Variants in PLVAP observed in about 807,000 individuals in gnomAD.
PLVAP encodes the protein plasmalemma vesicle associated protein, also known as plasmalemma vesicle-associated protein.
In PLVAP, 34 loss-of-function variants were observed where a neutral mutation model predicts 43.1. The observed-to-expected ratio is 0.79, with a 90% CI of 0.60 to 1.05. PLVAP has a LOEUF of 1.05. Ranked by LOEUF, PLVAP falls within the 50% of genes least tolerant of loss-of-function variation. The pLI is 0.00. For synonymous variants in PLVAP, 241 were observed against 237.3 expected, an observed-to-expected ratio of 1.02 and a Z score of -0.14; for missense variants, 574 against 593.4, an observed-to-expected ratio of 0.97 and a Z score of 0.34.
intron 1 of PLVAP, among the ~76,000 whole-genome samples, chr19:17,368,384 G>C (rs1284834993): frequency 6.9e-6 from 1 of 144,970 alleles, no homozygotes. Context: ...ACTAATTTTT[G>C]TATTTTTAGT....
Position 17,352,394 on chromosome 19 carries a change from C to T in PLVAP, c.1323-26G>A, listed in dbSNP as rs369290377. ...CTAGGGCAGGAAGGGGATGGTAACA[C>T]AACAGAGTGTCAGACAGAGGGAAGG... On this transcript the variant is annotated intron_variant, in intron 5 of 5. Coordinates refer to ENST00000252590, the MANE Select transcript of PLVAP (RefSeq NM_031310.3). The T allele has an allele frequency of 3.0e-5, 49 of 1,612,112 alleles. No homozygotes were observed. In the African/African-American group the frequency reaches 6.4e-4, roughly 21 times the overall value.
rs537553333 is a variant in PLVAP, at chr19:17,370,972, C to G, written c.370-4777G>C. Among the ~76,000 whole-genome samples, 3 of 151,384 alleles carry G rather than the reference C, an allele frequency of 2.0e-5. No homozygotes were observed. In the South Asian group the frequency reaches 6.3e-4, roughly 32 times the overall value. ...TCGGGAGGCTGAGGCAGGAGAATGG[C>G]GTGAACCTGGGAGGCAGAGCTTGCA... is the stretch of plus-strand genomic sequence containing the variant. On this transcript the variant is annotated intron_variant, in intron 1 of 5. Transcript: ENST00000252590.
chr19:17,374,655 T>C (rs1040477774), intron 1 of PLVAP, among the ~76,000 whole-genome samples: 1 of 151,844 alleles, frequency 6.6e-6, no homozygotes, highest in Admixed American at 6.6e-5. Context: ...ATTCAGGGTC[T>C]CACTCAGTCG....
At chr19:17,368,136 A>G (rs2074557784) in intron 1 of PLVAP, among the ~76,000 whole-genome samples, 1 of 136,988 alleles carries the variant, frequency 7.3e-6, no homozygotes, top group Admixed American at 8.0e-5. Context: ...CAATGGCATG[A>G]TCTCGGCTCA....
At chr19:17,372,269 T>C (rs1411348776) in intron 1 of PLVAP, among the ~76,000 whole-genome samples, 2 of 149,558 alleles carry the variant, frequency 1.3e-5, no homozygotes, top group Non-Finnish European at 3.0e-5. Context: ...ATTAGCTGGG[T>C]TTGGTGGCGG....
rs764717160 is a variant in PLVAP, at chr19:17,377,097, C to G, written c.192G>C (p.Glu64Asp). The stretch of plus-strand genomic sequence containing the variant: ...GACTGTATAGGCCCTCGGCTCGGCG[C>G]TCGGTGGCCTGCAGGTTGGACTCTG... ...VSTESNLQATERRAEGLYSQL... is the reference protein window; with the variant it reads ...VSTESNLQATDRRAEGLYSQL... Residue 64 changes from glutamate (E) to aspartate (D), a missense_variant, in exon 1 of 6, where the codon GAG becomes GAC. Physicochemically the swap from Glu to Asp is conservative, Grantham distance 45. Transcript: ENST00000252590. The G allele has an allele frequency of 2.5e-6, 4 of 1,614,030 alleles. No homozygotes were observed. The highest frequency in any genetic ancestry group is 1.3e-5 in the African/African-American group (1 of 74,920).
intron 5 of PLVAP, among the ~76,000 whole-genome samples, chr19:17,356,805 CA>C (rs2074508439): frequency 6.6e-6 from 1 of 151,058 alleles, no homozygotes; most frequent in Non-Finnish European, 1.5e-5. Flanking sequence ...ACTAAAAAAA[CA>C]AAATTAGCCG....
At chr19:17,369,950 C>T (rs948067508) in intron 1 of PLVAP, among the ~76,000 whole-genome samples, 2 of 146,124 alleles carry the variant, frequency 1.4e-5, no homozygotes, top group Admixed American at 7.0e-5. Context: ...TTGCAGTGAG[C>T]CACGATCACA....
intron 1 of PLVAP, among the ~76,000 whole-genome samples, chr19:17,367,424 T>G (rs1172320281): frequency 6.6e-6 from 1 of 151,918 alleles, no homozygotes; most frequent in Non-Finnish European, 1.5e-5. Flanking sequence ...GTTTCGCTCT[T>G]GTTGCCCAGG....
At chr19:17,375,658 G>C (rs1421267463) in intron 1 of PLVAP, among the ~76,000 whole-genome samples, 1 of 152,024 alleles carries the variant, frequency 6.6e-6, no homozygotes, top group Non-Finnish European at 1.5e-5. Context: ...GAGGTGGGTG[G>C]CTCACTTGAG....
intron 5 of PLVAP, among the ~76,000 whole-genome samples, chr19:17,355,559 C>T (rs950100993): frequency 7.0e-5 from 10 of 141,998 alleles, no homozygotes; most frequent in East Asian, 4.2e-4. Flanking sequence ...GACAGTGTCT[C>T]GCTCTGTAGC....
At chr19:17,366,435 T>TA (rs2074550464) in intron 1 of PLVAP, among the ~76,000 whole-genome samples, 1 of 152,056 alleles carries the variant, frequency 6.6e-6, no homozygotes. Context: ...CTGGGCAACA[T>TA]AGTGAGACTC....
chr19:17,367,055 G>T (rs139257085), intron 1 of PLVAP, among the ~76,000 whole-genome samples: 2 of 149,542 alleles, frequency 1.3e-5, no homozygotes, highest in East Asian at 3.9e-4. Flanking sequence ...CAATCCTCTT[G>T]CATCAGTCTC....
chr19:17,359,461 A>G (rs1367051008), intron 5 of PLVAP, among the ~76,000 whole-genome samples: 1 of 151,184 alleles, frequency 6.6e-6, no homozygotes, highest in Non-Finnish European at 1.5e-5. Context: ...GCTGGAGTGC[A>G]ATGGTGTCAT....
intron 1 of PLVAP, among the ~76,000 whole-genome samples, chr19:17,368,324 G>A (rs1038175763): frequency 4.0e-5 from 6 of 151,718 alleles, no homozygotes; most frequent in Admixed American, 6.6e-5. Context: ...CGCCCACCTC[G>A]GCCTCCTAAA....
At chr19:17,373,976 A>G (rs1265313033) in intron 1 of PLVAP, among the ~76,000 whole-genome samples, 1 of 152,132 alleles carries the variant, frequency 6.6e-6, no homozygotes, top group Non-Finnish European at 1.5e-5. Flanking sequence ...AGCCTGGCCA[A>G]CATGGTGAAA....
intron 1 of PLVAP, among the ~76,000 whole-genome samples, chr19:17,369,187 T>G (rs55739762): frequency 0.1 from 15,224 of 151,454 alleles, 841 homozygotes; most frequent in South Asian, 0.14. Context: ...TGTTTTTTTT[T>G]TTGTTGTTGT....
At position 17,352,038 on chromosome 19, in the gene PLVAP, G is replaced by A. The variant is rs1022485843; in HGVS notation, c.*324C>T. 6 of 412,170 alleles carry A rather than the reference G, an allele frequency of 1.5e-5. No individual in the cohort carries two copies. The highest frequency in any genetic ancestry group is 2.7e-5 in the Non-Finnish European group (6 of 223,574). The allele number at this position is 412,170 out of a possible 1,614,324, so 25.5% of individuals were successfully genotyped here. A position where few individuals can be genotyped will look rare whatever the true frequency, so the allele number is the denominator to read the frequency against. Reference sequence around the variant, plus strand: ...AGTTCCCCATGTCTGTGTGCGACGTGCTGCATCTGCACGACGCCATCGCTA... The same window carrying A: ...AGTTCCCCATGTCTGTGTGCGACGTACTGCATCTGCACGACGCCATCGCTA... On this transcript the variant is annotated 3_prime_UTR_variant, in exon 6 of 6. Transcript: ENST00000252590.
chr19:17,376,780 G>A lies in PLVAP; in HGVS notation c.369+140C>T, dbSNP rs905426031. On this transcript the variant is annotated intron_variant, in intron 1 of 5. Transcript: ENST00000252590. Reference sequence around the variant, plus strand: ...ACCACTGCACTCCAGCCTGGGAGACGGAGCGAGACTCTGTCTCATAAGAAA... The same window carrying A: ...ACCACTGCACTCCAGCCTGGGAGACAGAGCGAGACTCTGTCTCATAAGAAA... 3.0e-5 allele frequency: 27 copies of A among 890,588 alleles called. No homozygotes were observed. The East Asian group carries it at 3.5e-4, about 11-fold the overall frequency. The allele number at this position is 890,588 out of a possible 1,614,324, so 55.2% of individuals were successfully genotyped here.
Sources: allele counts gnomAD v4.1 joint callset (sites outside exome capture counted in the v4.1 genomes callset), GRCh38; gene constraint gnomAD v4.1.1; transcripts MANE v1.5; gene names NCBI Gene and HGNC (gene_info 2026-07-23, HGNC 2026-07-21).